The following UFL1 variants were observed in gnomAD, a reference collection of about 807,000 sequenced individuals.
UFL1 encodes the protein UFM1 specific ligase 1, also known as E3 UFM1-protein ligase 1.
A neutral mutation model predicts 99.3 loss-of-function variants in UFL1; 78 were observed. That is an observed-to-expected ratio of 0.79 (90% confidence interval 0.65 to 0.95). UFL1 has a LOEUF of 0.95. Among genes scored for constraint, UFL1 ranks in the 40% least tolerant of loss-of-function variants. The pLI, the probability that UFL1 is intolerant of heterozygous loss-of-function variation, is 0.00. For missense variants in UFL1, 936 were observed against 937.0 expected, an observed-to-expected ratio of 1.00 and a Z score of 0.01; for synonymous variants, 335 against 322.2, an observed-to-expected ratio of 1.04 and a Z score of -0.42.
At position 96,537,441 on chromosome 6, in the gene UFL1, T is replaced by TTTC. The variant is rs1158935792; in HGVS notation, c.870_871insTTC (p.Thr290_Thr291insPhe). The TTTC allele has an allele frequency of 1.1e-5, 18 of 1,609,724 alleles. No individual in the cohort carries two copies. The highest frequency in any genetic ancestry group is 1.5e-5 in the Non-Finnish European group (18 of 1,177,792). On this transcript the variant is annotated inframe_insertion, in exon 9 of 19. Transcript: ENST00000369278. ...GCTACATAAAGAAAAGATATAAGAC[T>TTTC]ACACAACTCTTGTTTTTGAAAGCAG...
At position 96,553,755 on chromosome 6, in the gene UFL1, A is replaced by G. The variant is rs1770115364; in HGVS notation, c.*252A>G. The G allele has an allele frequency of 2.8e-6, 1 of 354,348 alleles. No individual in the cohort carries two copies. The highest frequency in any genetic ancestry group is 5.1e-6 in the Non-Finnish European group (1 of 196,284). 22.0% of individuals were successfully genotyped at this position (354,348 alleles called of 1,614,324 possible). A position where few individuals can be genotyped will look rare whatever the true frequency, so the allele number is the denominator to read the frequency against. ...ACAAATACTATATGAAATTTTTCAC[A>G]TTATTTTCACATAATTTTAAAAATT... On this transcript the variant is annotated 3_prime_UTR_variant, in exon 19 of 19. Coordinates refer to ENST00000369278, the MANE Select transcript of UFL1 (RefSeq NM_015323.5).
chr6:96,523,200 G>A lies in UFL1; in HGVS notation c.132G>A (p.Gln44=). ...EIVNKLIAQK[Q]LEVVHTLDGK... is the part of the protein sequence containing the mutation. ...TTAATAAATTGATTGCTCAGAAACA[G>A]CTAGAAGTAGTTCATACACTCGATG... The change falls in exon 2 of 19, where the codon CAG becomes CAA. Residue 44 remains glutamine, a synonymous_variant. Transcript: ENST00000369278. 6.2e-7 allele frequency: 1 copy of A among 1,613,362 alleles called. No individual in the cohort carries two copies. The highest frequency in any genetic ancestry group is 8.5e-7 in the Non-Finnish European group (1 of 1,179,684).
At chr6:96,524,980 T>C (rs1374226137) in intron 3 of UFL1, among the ~76,000 whole-genome samples, 1 of 152,150 alleles carries the variant, frequency 6.6e-6, no homozygotes, top group Non-Finnish European at 1.5e-5. Context: ...TGAAAATAAC[T>C]AAGCAATACA....
At chr6:96,528,033 G>A (rs1769727338) in intron 5 of UFL1, among the ~76,000 whole-genome samples, 1 of 152,146 alleles carries the variant, frequency 6.6e-6, no homozygotes, top group African/African-American at 2.4e-5. Flanking sequence ...AGAGAGGAAA[G>A]CTTTTGAGGT....
At chr6:96,542,680 T>G (rs1044028642) in intron 11 of UFL1, among the ~76,000 whole-genome samples, 4 of 151,176 alleles carry the variant, frequency 2.6e-5, no homozygotes, top group African/African-American at 4.8e-5. Context: ...TAAGGTAGAT[T>G]GCTCAAAAGA....
chr6:96,536,108 T>C, intron 7 of UFL1, 136 bp from the exon 8 acceptor site: 5 of 834,228 alleles, frequency 6.0e-6, no homozygotes, highest in Non-Finnish European at 8.6e-6. Context: ...ATATACTACC[T>C]TTATTTATGC....
At chr6:96,545,060 A>T (rs1286674337) in intron 12 of UFL1, among the ~76,000 whole-genome samples, 2 of 151,092 alleles carry the variant, frequency 1.3e-5, no homozygotes, top group African/African-American at 2.4e-5. Flanking sequence ...TGCATAAAGG[A>T]AGTAAACAGG....
chr6:96,546,646 T>A (rs1770001718), intron 12 of UFL1, among the ~76,000 whole-genome samples: 1 of 151,562 alleles, frequency 6.6e-6, no homozygotes, highest in Admixed American at 6.6e-5. Flanking sequence ...CAAAACAACA[T>A]GGTACTGCTA....
rs563935535 is a variant in UFL1, at chr6:96,528,432, A to C, written c.466-70A>C. ...CCTCAGCATGCAGCATGACTTGAGT[A>C]TGACTATGCAAATGCATATGTGTAA... On this transcript the variant is annotated intron_variant, in intron 5 of 18. Transcript: ENST00000369278. 9 of 1,541,988 alleles carry C rather than the reference A, an allele frequency of 5.8e-6. No individual in the cohort carries two copies. In the Admixed American group the frequency reaches 1.5e-4, roughly 25 times the overall value.
chr6:96,550,241 G>A (rs1256380761), intron 15 of UFL1, among the ~76,000 whole-genome samples: 1 of 151,794 alleles, frequency 6.6e-6, no homozygotes, highest in African/African-American at 2.4e-5. Context: ...GTAATGTAGA[G>A]AATGGCTCCC....
intron 7 of UFL1, 67 bp downstream of exon 7, chr6:96,534,388 AACTT>A: frequency 2.5e-6 from 3 of 1,217,104 alleles, no homozygotes; most frequent in Non-Finnish European, 3.4e-6. Context: ...AAAACTTACT[AACTT>A]TAATGTTTTT....
intron 11 of UFL1, among the ~76,000 whole-genome samples, chr6:96,542,011 A>T (rs1328328872): frequency 6.6e-6 from 1 of 151,276 alleles, no homozygotes; most frequent in Non-Finnish European, 1.5e-5. Context: ...ATTTAGAAAA[A>T]GATCTTTAGT....
intron 2 of UFL1, among the ~76,000 whole-genome samples, chr6:96,523,667 C>T (rs1441198083): frequency 1.3e-5 from 2 of 152,058 alleles, no homozygotes; most frequent in Non-Finnish European, 2.9e-5. Context: ...TTTTGAAAAT[C>T]AAGGCTGTAT....
intron 12 of UFL1, 21 bp from the exon 13 acceptor site, chr6:96,548,143 C>T: frequency 2.7e-6 from 4 of 1,458,074 alleles, no homozygotes; most frequent in East Asian, 2.4e-5. Flanking sequence ...ATTTATTTGC[C>T]ATTGCTCATG....
In UFL1 at chr6:96,537,544, A is replaced by T; in HGVS notation, c.973A>T (p.Ile325Phe). The change falls in exon 9 of 19, where the codon ATT (isoleucine) becomes TTT (phenylalanine). Residue 325 changes from isoleucine (I) to phenylalanine (F), a missense_variant. Coordinates refer to ENST00000369278, the MANE Select transcript of UFL1 (RefSeq NM_015323.5). Reference protein sequence around the residue: ...EAISSGTWVDIAPLLPTSLSV... With the variant: ...EAISSGTWVDFAPLLPTSLSV... Reference sequence around the variant, plus strand: ...CATCAGCTCTGGAACATGGGTTGATATTGCAGTATGTTTTATCTTTTCCTC... The same window carrying T: ...CATCAGCTCTGGAACATGGGTTGATTTTGCAGTATGTTTTATCTTTTCCTC... 5 of 1,582,464 alleles carry T rather than the reference A, an allele frequency of 3.2e-6. No individual in the cohort carries two copies. The highest frequency in any genetic ancestry group is 4.3e-6 in the Non-Finnish European group (5 of 1,169,370).
chr6:96,542,919 A>AG lies in UFL1; in HGVS notation c.1307dup (p.Gly437TrpfsTer10). The AG allele has an allele frequency of 6.3e-7, 1 of 1,596,270 alleles. No homozygotes were observed. Among genetic ancestry groups the AG allele is most frequent in the South Asian group, 1.1e-5 (1 of 88,024 alleles). The stretch of plus-strand genomic sequence containing the variant: ...AGGGCAGTGGAAGCATGAGAGGAGG[A>AG]GGTGGGGGCAATGCCAGAGAGTACA... On this transcript the variant is annotated frameshift_variant, in exon 12 of 19. Transcript: ENST00000369278. LOFTEE classifies it high-confidence loss of function.
chr6:96,528,980 G>A (rs1769741762), intron 6 of UFL1, among the ~76,000 whole-genome samples: 1 of 152,188 alleles, frequency 6.6e-6, no homozygotes, highest in Admixed American at 6.5e-5. Flanking sequence ...AGAAGAATTT[G>A]GTTCATAGCT....
chr6:96,526,155 GAAAA>G (rs1348135122), intron 4 of UFL1, among the ~76,000 whole-genome samples, 162 bp from the exon 5 acceptor site: 1 of 151,896 alleles, frequency 6.6e-6, no homozygotes, highest in African/African-American at 2.4e-5. Flanking sequence ...ACACTAATGA[GAAAA>G]AAGTATTTGT....
chr6:96,523,559 AATTC>A (rs1348071424), intron 2 of UFL1, among the ~76,000 whole-genome samples: 2 of 152,128 alleles, frequency 1.3e-5, no homozygotes, highest in African/African-American at 2.4e-5. Flanking sequence ...TTCTTTTTAC[AATTC>A]ATTAATTTAT....
Sources: gnomAD v4.1 joint callset for allele counts (sites outside exome capture counted in the v4.1 genomes callset) on GRCh38, gnomAD v4.1.1 for gene constraint, MANE v1.5 for transcripts, NCBI Gene and HGNC (gene_info 2026-07-23, HGNC 2026-07-21) for gene names.